NOX5: variants seen among roughly 807,000 people sequenced by gnomAD.
NOX5 encodes NADPH oxidase, EF-hand calcium binding domain 5.
NOX5 carries 76 observed loss-of-function variants against 85.7 expected under a neutral mutation model. The ratio of observed to expected loss-of-function variants is 0.89; its 90% CI spans 0.74 to 1.07. The LOEUF (loss-of-function observed/expected upper bound fraction) is 1.07. Ranked by LOEUF, NOX5 falls within the 50% of genes least tolerant of loss-of-function variation. The pLI, the probability that NOX5 is intolerant of heterozygous loss-of-function variation, is 0.00. For missense variants in NOX5, 973 were observed against 999.5 expected, an observed-to-expected ratio of 0.97 and a Z score of 0.36; for synonymous variants, 405 against 401.4, an observed-to-expected ratio of 1.01 and a Z score of -0.11.
At chr15:69,031,438 C>T in intron 3 of NOX5, 80 bp from the exon 4 acceptor site, 3 of 1,459,284 alleles carry the variant, frequency 2.1e-6, no homozygotes, top group East Asian at 4.6e-5. Context: ...CCTTCAGTTG[C>T]ATGGTCTATA....
At chr15:69,033,312 T>C (rs34460906) in intron 5 of NOX5, 35 bp downstream of exon 5, 9 of 1,580,110 alleles carry the variant, frequency 5.7e-6, no homozygotes, top group Non-Finnish European at 7.7e-6. Flanking sequence ...TCTGAAAATG[T>C]TAATTAGGAG....
At chr15:69,040,250 A>G (rs908653487) in intron 9 of NOX5, among the ~76,000 whole-genome samples, 2 of 152,150 alleles carry the variant, frequency 1.3e-5, no homozygotes. Context: ...TTTTCTCCCT[A>G]TTTTTTTCCT....
chr15:69,047,843 A>T lies in NOX5; in HGVS notation c.1831A>T (p.Lys611Ter), dbSNP rs7167318. The T allele has an allele frequency of 6.2e-7, 1 of 1,614,090 alleles. No homozygotes were observed. The highest frequency in any genetic ancestry group is 1.1e-5 in the South Asian group (1 of 91,082). The change falls in exon 13 of 16, where the codon AAG becomes TAG. Residue 611 changes from lysine (K) to a stop codon, truncating the protein, a stop_gained. Transcript: ENST00000388866. LOFTEE classifies it high-confidence loss of function. Reference protein sequence around the residue: ...QSIMYRHQKRKHTCPSCQHSW... With the variant: ...QSIMYRHQKR ...GCCTCCCCTCAGGCACCAGAAAAGA[A>T]AGCATACTTGCCCCAGCTGCCAGCA...
intron 9 of NOX5, among the ~76,000 whole-genome samples, chr15:69,041,834 C>T (rs1189802276): frequency 6.6e-6 from 1 of 152,086 alleles, no homozygotes; most frequent in Non-Finnish European, 1.5e-5. Context: ...AATTCATAAA[C>T]TTTCTTAAAA....
intron 10 of NOX5, among the ~76,000 whole-genome samples, chr15:69,044,873 C>T (rs2050642470): frequency 6.6e-6 from 1 of 152,198 alleles, no homozygotes; most frequent in South Asian, 2.1e-4. Flanking sequence ...GAGTGTACAG[C>T]CCCCACTCAT....
At chr15:69,028,183 G>A (rs747133509) in intron 2 of NOX5, 32 bp from the exon 3 acceptor site, 8 of 1,560,344 alleles carry the variant, frequency 5.1e-6, no homozygotes, top group South Asian at 1.2e-5. Context: ...TGCGGCCACA[G>A]TTGTGCTGTC....
chr15:69,050,140 G>A (rs181630751), intron 14 of NOX5, among the ~76,000 whole-genome samples: 22 of 152,288 alleles, frequency 1.4e-4, no homozygotes, highest in African/African-American at 4.3e-4. Context: ...AGATTTATCC[G>A]TGTTGTTGCA....
chr15:69,047,869 C>T lies in NOX5; in HGVS notation c.1857C>T (p.His619=), dbSNP rs2050695336. The T allele has an allele frequency of 2.5e-6, 4 of 1,614,194 alleles. No homozygotes were observed. The highest frequency in any genetic ancestry group is 3.4e-6 in the Non-Finnish European group (4 of 1,180,028). The change falls in exon 13 of 16, where the codon CAC becomes CAT. Residue 619 remains histidine, a synonymous_variant. Transcript: ENST00000388866. ...KRKHTCPSCQ[H]SWIEGVQDNM... is the part of the protein sequence containing the mutation. Reference sequence around the variant, plus strand: ...AGCATACTTGCCCCAGCTGCCAGCACTCCTGGATCGAAGGTGTCCAAGACA... The same window carrying T: ...AGCATACTTGCCCCAGCTGCCAGCATTCCTGGATCGAAGGTGTCCAAGACA...
chr15:69,055,277 C>T (rs2050796721), intron 14 of NOX5, 57 bp from the exon 15 acceptor site: 2 of 1,569,106 alleles, frequency 1.3e-6, no homozygotes, highest in Non-Finnish European at 1.7e-6. Flanking sequence ...GGCATCCTGC[C>T]CTGCGCCCAT....
Position 69,056,816 on chromosome 15 carries a change from C to T in NOX5, c.*120C>T. On this transcript the variant is annotated 3_prime_UTR_variant, in exon 16 of 16. Coordinates refer to ENST00000388866, the MANE Select transcript of NOX5 (RefSeq NM_024505.4). ...CACCCAATAAGACAAAGCCTAGGGA[C>T]CCCCTAATCCTGCTCAACAGAGAGA... 8.0e-7 allele frequency: 1 copy of T among 1,253,444 alleles called. No homozygotes were observed. Among genetic ancestry groups the T allele is most frequent in the South Asian group, 1.5e-5 (1 of 64,634 alleles). The allele number at this position is 1,253,444 out of a possible 1,614,324, so 77.6% of individuals were successfully genotyped here.
At chr15:69,032,959 T>C in intron 4 of NOX5, 84 bp from the exon 5 acceptor site, 1 of 1,501,326 alleles carries the variant, frequency 6.7e-7, no homozygotes, top group Non-Finnish European at 8.8e-7. Context: ...TGGTCGGCCA[T>C]AGCTTGAAGG....
chr15:69,043,620 T>TATGC (rs2050624308), intron 10 of NOX5: 1 of 152,150 alleles, frequency 6.6e-6, no homozygotes, highest in Admixed American at 6.5e-5. Context: ...AGGTCTGGGA[T>TATGC]ATGCAGGGAT....
chr15:69,041,408 A>T (rs746678726), intron 9 of NOX5, among the ~76,000 whole-genome samples: 2 of 152,222 alleles, frequency 1.3e-5, no homozygotes, highest in African/African-American at 4.8e-5. Context: ...TCCTTCATCA[A>T]CTTGAATGGA....
chr15:69,056,762 G>GGT lies in NOX5; in HGVS notation c.*66_*67insGT. The GGT allele has an allele frequency of 6.3e-7, 1 of 1,575,580 alleles. No individual in the cohort carries two copies. Among genetic ancestry groups the GGT allele is most frequent in the Non-Finnish European group, 8.6e-7 (1 of 1,161,784 alleles). ...TCTGCTTCATTGCATTAGTATAAAT[G>GGT]CCCCCACAGGGACCAGCCTCAGATG... On this transcript the variant is annotated 3_prime_UTR_variant, in exon 16 of 16. Transcript: ENST00000388866.
intron 5 of NOX5, among the ~76,000 whole-genome samples, chr15:69,033,544 T>A (rs2039012198): frequency 6.6e-6 from 1 of 152,134 alleles, no homozygotes; most frequent in Non-Finnish European, 1.5e-5. Flanking sequence ...CTCCATTTGA[T>A]CTTCACAACT....
intron 1 of NOX5, among the ~76,000 whole-genome samples, chr15:69,020,929 C>A (rs556230388): frequency 3.2e-4 from 48 of 152,134 alleles, no homozygotes; most frequent in African/African-American, 1.2e-3. Flanking sequence ...ATAATAAAAA[C>A]TATTTTTCTT....
chr15:69,033,276 C>A lies in NOX5; in HGVS notation c.854C>A (p.Ala285Glu). The A allele has an allele frequency of 6.3e-7, 1 of 1,593,600 alleles. No individual in the cohort carries two copies. Among genetic ancestry groups the A allele is most frequent in the Non-Finnish European group, 8.5e-7 (1 of 1,178,100 alleles). The change falls in exon 5 of 16, where the codon GCG (alanine) becomes GAG (glutamate). Residue 285 changes from alanine (A) to glutamate (E), a missense_variant and splice_region_variant. By Grantham distance (107) the Ala-to-Glu change is moderately radical. Transcript: ENST00000388866. ...CTCAACTTCGACTGCAGCTTCATCG[C>A]GGTAGGCTCTGCCAGCACACGGTGC... ...QCLNFDCSFI[A>E]VLMLRRCLTW...
Position 69,055,383 on chromosome 15 carries a change from T to C in NOX5, c.2049T>C (p.Asn683=), listed in dbSNP as rs375324453. The change falls in exon 15 of 16, where the codon AAT becomes AAC. Residue 683 remains asparagine, a synonymous_variant. Coordinates refer to ENST00000388866, the MANE Select transcript of NOX5 (RefSeq NM_024505.4). Reference sequence around the variant, plus strand: ...ACATGACATCTGCACTGGGCAAGAATGACATGAAGGCCATTGGCCTGCAGA... The same window carrying C: ...ACATGACATCTGCACTGGGCAAGAACGACATGAAGGCCATTGGCCTGCAGA... ...HMYMTSALGK[N]DMKAIGLQMA... The C allele has an allele frequency of 2.5e-6, 4 of 1,614,216 alleles. No homozygotes were observed. Among genetic ancestry groups the C allele is most frequent in the Non-Finnish European group, 2.5e-6 (3 of 1,180,034 alleles).
chr15:69,048,487 C>G (rs1482745492), intron 13 of NOX5, among the ~76,000 whole-genome samples: 1 of 151,950 alleles, frequency 6.6e-6, no homozygotes, highest in Non-Finnish European at 1.5e-5. Flanking sequence ...GAGCTAAGAC[C>G]ACACCACTGC....
Sources: gnomAD v4.1 joint callset for allele counts (sites outside exome capture counted in the v4.1 genomes callset) on GRCh38, gnomAD v4.1.1 for gene constraint, MANE v1.5 for transcripts, NCBI Gene and HGNC (gene_info 2026-07-23, HGNC 2026-07-21) for gene names.